The following GRM1 variants were observed in gnomAD, a reference collection of about 807,000 sequenced individuals.
GRM1 encodes glutamate metabotropic receptor 1.
A neutral mutation model predicts 90.9 loss-of-function variants in GRM1; 33 were observed. That is an observed-to-expected ratio of 0.36 (90% CI 0.28 to 0.49). The LOEUF (loss-of-function observed/expected upper bound fraction) is 0.49. Among genes scored for constraint, GRM1 ranks in the 20% least tolerant of loss-of-function variants. GRM1 has a pLI of 0.99. For missense variants in GRM1, 1,190 were observed against 1,534.3 expected (o/e 0.78, Z 3.75); for synonymous variants, 700 against 613.2 (o/e 1.14, Z -2.09).
At chr6:146,324,434 G>A (rs979987415) in intron 3 of GRM1, among the ~76,000 whole-genome samples, 6 of 151,514 alleles carry the variant, frequency 4.0e-5, no homozygotes, top group Admixed American at 2.6e-4. Context: ...AGGCTCCACT[G>A]GGGAAAAAAA....
chr6:146,129,671 T>C (rs1441094001), intron 1 of GRM1, among the ~76,000 whole-genome samples: 1 of 152,172 alleles, frequency 6.6e-6, no homozygotes, highest in Non-Finnish European at 1.5e-5. Flanking sequence ...TGTGATTTGA[T>C]GGCAACTGCA....
chr6:146,154,322 C>T (rs912887329), intron 1 of GRM1, among the ~76,000 whole-genome samples: 1 of 152,178 alleles, frequency 6.6e-6, no homozygotes, highest in Admixed American at 6.5e-5. Context: ...CCTGAACCTG[C>T]ATGTATTGTG....
At chr6:146,430,419 A>G (rs1167602787) in intron 7 of GRM1, among the ~76,000 whole-genome samples, 1 of 152,234 alleles carries the variant, frequency 6.6e-6, no homozygotes, top group African/African-American at 2.4e-5. Flanking sequence ...TTCAAATATA[A>G]GATTGATTTA....
At chr6:146,231,817 T>C (rs1780459900) in intron 2 of GRM1, among the ~76,000 whole-genome samples, 1 of 152,076 alleles carries the variant, frequency 6.6e-6, no homozygotes, top group Non-Finnish European at 1.5e-5. Context: ...TTTTATTTGC[T>C]TATAATTTAT....
At chr6:146,094,085 G>T (rs905444916) in intron 1 of GRM1, among the ~76,000 whole-genome samples, 3 of 151,998 alleles carry the variant, frequency 2.0e-5, no homozygotes, top group African/African-American at 7.2e-5. Flanking sequence ...ATAATAATTG[G>T]CTACATGACT....
intron 1 of GRM1, among the ~76,000 whole-genome samples, chr6:146,150,505 A>G (rs931265177): frequency 3.9e-5 from 6 of 152,208 alleles, no homozygotes; most frequent in Non-Finnish European, 8.8e-5. Context: ...TGCAATGCTC[A>G]AATCTGGGTA....
At chr6:146,067,200 A>T (rs193003859) in intron 1 of GRM1, among the ~76,000 whole-genome samples, 54 of 152,350 alleles carry the variant, frequency 3.5e-4, no homozygotes, top group Non-Finnish European at 5.1e-4. Context: ...CAAAATAACT[A>T]AATTTGCTCG....
chr6:146,269,563 G>C (rs564751271), intron 2 of GRM1, among the ~76,000 whole-genome samples: 4 of 152,198 alleles, frequency 2.6e-5, no homozygotes, highest in Admixed American at 6.5e-5. Flanking sequence ...ACCAATCTGT[G>C]GGCTGTTAGG....
chr6:146,076,501 G>T (rs2128861131), intron 1 of GRM1, among the ~76,000 whole-genome samples: 1 of 152,286 alleles, frequency 6.6e-6, no homozygotes, highest in Non-Finnish European at 1.5e-5. Flanking sequence ...AGATTTTGAA[G>T]ATATAGCTCG....
At chr6:146,194,370 C>A (rs1474244735) in intron 2 of GRM1, among the ~76,000 whole-genome samples, 1 of 152,112 alleles carries the variant, frequency 6.6e-6, no homozygotes, top group Non-Finnish European at 1.5e-5. Context: ...CTTCAGTTAC[C>A]TTAAGCCTTC....
At chr6:146,034,664 T>C (rs1368038872) in intron 1 of GRM1, among the ~76,000 whole-genome samples, 1 of 151,972 alleles carries the variant, frequency 6.6e-6, no homozygotes, top group East Asian at 1.9e-4. Flanking sequence ...AAAACCTGAA[T>C]AAGATAAGGG....
intron 1 of GRM1, among the ~76,000 whole-genome samples, chr6:146,080,099 G>A (rs1776312686): frequency 6.6e-6 from 1 of 152,090 alleles, no homozygotes; most frequent in Non-Finnish European, 1.5e-5. Flanking sequence ...CGAAGGACTC[G>A]GAGCATCTTC....
intron 2 of GRM1, among the ~76,000 whole-genome samples, chr6:146,251,077 G>T (rs1180242974): frequency 6.6e-6 from 1 of 152,126 alleles, no homozygotes; most frequent in Non-Finnish European, 1.5e-5. Context: ...TACACATAAG[G>T]TCCTTGGAAG....
intron 1 of GRM1, among the ~76,000 whole-genome samples, chr6:146,089,005 A>G (rs1054819548): frequency 6.6e-6 from 1 of 152,010 alleles, no homozygotes; most frequent in African/African-American, 2.4e-5. Flanking sequence ...CCTTTGTGTA[A>G]TTTCTTCTTC....
chr6:146,051,820 A>G (rs1775302219), intron 1 of GRM1, among the ~76,000 whole-genome samples: 1 of 152,056 alleles, frequency 6.6e-6, no homozygotes, highest in Admixed American at 6.6e-5. Flanking sequence ...ACTGTTTCCC[A>G]AGCACCCTTA....
At chr6:146,273,384 A>G (rs1782240180) in intron 2 of GRM1, among the ~76,000 whole-genome samples, 2 of 152,176 alleles carry the variant, frequency 1.3e-5, no homozygotes, top group African/African-American at 4.8e-5. Context: ...AGCTTTTATT[A>G]TGTGAGAAAA....
At chr6:146,130,045 A>G (rs1191564096) in intron 1 of GRM1, among the ~76,000 whole-genome samples, 4 of 152,140 alleles carry the variant, frequency 2.6e-5, no homozygotes, top group African/African-American at 9.7e-5. Context: ...GCCAGTTGTC[A>G]ATACTCAACC....
intron 1 of GRM1, among the ~76,000 whole-genome samples, chr6:146,134,823 C>T (rs189286167): frequency 6.0e-4 from 91 of 152,134 alleles, no homozygotes; most frequent in African/African-American, 2.0e-3. Flanking sequence ...CCCAGCTACT[C>T]GGGAGGCTGA....
At chr6:146,033,977 A>G (rs375090609) in intron 1 of GRM1, among the ~76,000 whole-genome samples, 50 of 152,194 alleles carry the variant, frequency 3.3e-4, no homozygotes, top group African/African-American at 1.1e-3. Context: ...TTCAAAGGAA[A>G]TTATCTTAAT....
Sources: allele counts gnomAD v4.1 joint callset (sites outside exome capture counted in the v4.1 genomes callset), GRCh38; gene constraint gnomAD v4.1.1; transcripts MANE v1.5; gene names NCBI Gene and HGNC (gene_info 2026-07-23, HGNC 2026-07-21).